GNGT1: variants seen among roughly 807,000 people sequenced by gnomAD.
GNGT1 encodes the protein G protein subunit gamma transducin 1, also known as guanine nucleotide-binding protein G(T) subunit gamma-T1.
In GNGT1, 4 loss-of-function variants were observed where a neutral mutation model predicts 7.4. That is an observed-to-expected ratio of 0.54 (90% CI 0.27 to 1.24). GNGT1 has a LOEUF of 1.24. Among genes scored for constraint, GNGT1 ranks in the 50% most tolerant of loss-of-function variants. The pLI is 0.12. For synonymous variants in GNGT1, 37 were observed against 30.2 expected (o/e 1.23, Z -0.74); for missense variants, 95 against 82.4 (o/e 1.15, Z -0.59).
chr7:93,908,888 T>A (rs1172365135), intron 2 of GNGT1, among the ~76,000 whole-genome samples: 1 of 152,144 alleles, frequency 6.6e-6, no homozygotes, highest in Non-Finnish European at 1.5e-5. Context: ...TCATCTATGT[T>A]ATCTAACTCA....
Position 93,909,449 on chromosome 7 carries a change from T to C in GNGT1, c.97-1341T>C, listed in dbSNP as rs942303307. On this transcript the variant is annotated intron_variant, in intron 2 of 2. Coordinates refer to ENST00000248572, the MANE Select transcript of GNGT1 (RefSeq NM_021955.5). ...ACCTATACACATATATAATTTTAGG[T>C]AATTTGTTGCTCCTTTCATTCTCAT... is the stretch of plus-strand genomic sequence containing the variant. The C allele has an allele frequency of 4.3e-6, 3 of 701,476 alleles. No individual in the cohort carries two copies. The African/African-American group carries it at 5.2e-5, about 12-fold the overall frequency. 43.5% of individuals were successfully genotyped at this position (701,476 alleles called of 1,614,324 possible). A position where few individuals can be genotyped will look rare whatever the true frequency, so the allele number is the denominator to read the frequency against.
intron 2 of GNGT1, among the ~76,000 whole-genome samples, chr7:93,907,583 A>G (rs113064031): frequency 0.012 from 1,754 of 152,310 alleles, 18 homozygotes; most frequent in Non-Finnish European, 0.019. Flanking sequence ...AAACCACCAA[A>G]CAAACAGTGA....
intron 2 of GNGT1, chr7:93,909,625 A>G (rs1794429118): frequency 1.7e-6 from 1 of 572,472 alleles, no homozygotes; most frequent in Admixed American, 2.8e-5. Flanking sequence ...AGGAAGAGGG[A>G]AAAAAGTGAA....
rs1156536658 is a variant in GNGT1 at position 93,906,826 on chromosome 7, C to T, written c.80C>T (p.Thr27Ile). The change falls in exon 2 of 3, where the codon ACA becomes ATA. Residue 27 changes from threonine (T) to isoleucine (I), a missense_variant. Physicochemically the swap from Thr to Ile is moderately conservative, Grantham distance 89. Transcript: ENST00000248572. ...MEVDQLKKEV[T>I]LERMLVSKCC... is the part of the protein sequence containing the mutation. The stretch of plus-strand genomic sequence containing the variant: ...GTTGACCAGCTCAAGAAAGAAGTGA[C>T]ACTGGAAAGAATGCTAGTAAGTTGC... The T allele has an allele frequency of 6.3e-7, 1 of 1,590,156 alleles. No homozygotes were observed. The highest frequency in any genetic ancestry group is 1.7e-5 in the Admixed American group (1 of 57,378).
At chr7:93,909,577 A>AAAGTAGTG (rs1794428334) in intron 2 of GNGT1, 5 of 686,152 alleles carry the variant, frequency 7.3e-6, no homozygotes, top group Non-Finnish European at 1.3e-5. Flanking sequence ...GGTGAAGCCA[A>AAAGTAGTG]AAGTAGTGAC....
At chr7:93,907,545 T>C (rs192344074) in intron 2 of GNGT1, among the ~76,000 whole-genome samples, 21 of 152,052 alleles carry the variant, frequency 1.4e-4, no homozygotes, top group Non-Finnish European at 1.9e-4. Flanking sequence ...TTCACTGCCA[T>C]TAGAAGGAGA....
At position 93,906,846 on chromosome 7, in the gene GNGT1, A is replaced by G; in HGVS notation, c.96+4A>G. On this transcript the variant is annotated splice_donor_region_variant and intron_variant, in intron 2 of 2. Coordinates refer to ENST00000248572, the MANE Select transcript of GNGT1 (RefSeq NM_021955.5). ...AGTGACACTGGAAAGAATGCTAGTA[A>G]GTTGCTGCTTTCTTTAGTATTTTAT... 2.0e-6 allele frequency: 3 copies of G among 1,529,644 alleles called. No homozygotes were observed. The highest frequency in any genetic ancestry group is 2.7e-6 in the Non-Finnish European group (3 of 1,115,274). The allele number at this position is 1,529,644 out of a possible 1,614,324, so 94.8% of individuals were successfully genotyped here.
intron 2 of GNGT1, chr7:93,910,180 AT>A (rs1355203782): frequency 6.6e-6 from 1 of 152,170 alleles, no homozygotes; most frequent in African/African-American, 2.4e-5. Context: ...CAAAAACAAC[AT>A]GAATAATTCA....
At position 93,906,858 on chromosome 7, in the gene GNGT1, C is replaced by A; in HGVS notation, c.96+16C>A. ...AAGAATGCTAGTAAGTTGCTGCTTT[C>A]TTTAGTATTTTATTTTAAGCTAGAG... On this transcript the variant is annotated intron_variant, in intron 2 of 2. Transcript: ENST00000248572. 2 of 1,464,284 alleles carry A rather than the reference C, an allele frequency of 1.4e-6. No individual in the cohort carries two copies. The highest frequency in any genetic ancestry group is 1.9e-6 in the Non-Finnish European group (2 of 1,059,964). The allele number at this position is 1,464,284 out of a possible 1,614,324, so 90.7% of individuals were successfully genotyped here. A position where few individuals can be genotyped will look rare whatever the true frequency, so the allele number is the denominator to read the frequency against.
intron 2 of GNGT1, 33 bp downstream of exon 2, chr7:93,906,875 A>T: frequency 7.9e-7 from 1 of 1,267,486 alleles, no homozygotes; most frequent in Non-Finnish European, 1.1e-6. Flanking sequence ...ATTTTATTTT[A>T]AGCTAGAGAT....
chr7:93,906,750 C>T lies in GNGT1; in HGVS notation c.4C>T (p.Pro2Ser), dbSNP rs746027091. 1.3e-6 allele frequency: 2 copies of T among 1,586,594 alleles called. No individual in the cohort carries two copies. Among genetic ancestry groups the T allele is most frequent in the East Asian group, 2.3e-5 (1 of 43,912 alleles). Residue 2 changes from proline to serine, a missense_variant, in exon 2 of 3, where the codon CCA (proline) becomes TCA (serine). Pro to Ser is a moderately conservative substitution (Grantham distance 74). Coordinates refer to ENST00000248572, the MANE Select transcript of GNGT1 (RefSeq NM_021955.5). ...TACATCTTCAGCAGGCAAAAAGATG[C>T]CAGTAATCAATATTGAGGACCTGAC... M[P>S]VINIEDLTEK... is the part of the protein sequence containing the mutation.
chr7:93,907,739 CT>C (rs1794398705), intron 2 of GNGT1, among the ~76,000 whole-genome samples: 1 of 152,118 alleles, frequency 6.6e-6, no homozygotes, highest in Non-Finnish European at 1.5e-5. Flanking sequence ...AAAAAAGGAT[CT>C]TGTGTTATCT....
rs138254553 is a variant in GNGT1, at chr7:93,910,860, G to C, written c.167G>C (p.Gly56Ala). Residue 56 changes from glycine to alanine, a missense_variant, in exon 3 of 3, where the codon GGC becomes GCC. Gly to Ala is a moderately conservative substitution (Grantham distance 60). Coordinates refer to ENST00000248572, the MANE Select transcript of GNGT1 (RefSeq NM_021955.5). ...ERSGEDPLVKGIPEDKNPFKE... is the reference protein window; with the variant it reads ...ERSGEDPLVKAIPEDKNPFKE... The stretch of plus-strand genomic sequence containing the variant: ...TCTGGCGAGGATCCACTGGTAAAGG[G>C]CATCCCAGAGGACAAAAATCCCTTC... The C allele has an allele frequency of 3.1e-6, 5 of 1,608,028 alleles. No homozygotes were observed. In the Admixed American group the frequency reaches 8.3e-5, roughly 27 times the overall value.
chr7:93,906,863 G>T lies in GNGT1; in HGVS notation c.96+21G>T, dbSNP rs762282560. 3 of 1,430,672 alleles carry T rather than the reference G, an allele frequency of 2.1e-6. No individual in the cohort carries two copies. The African/African-American group carries it at 4.3e-5, about 21-fold the overall frequency. The allele number at this position is 1,430,672 out of a possible 1,614,324, so 88.6% of individuals were successfully genotyped here. The stretch of plus-strand genomic sequence containing the variant: ...TGCTAGTAAGTTGCTGCTTTCTTTA[G>T]TATTTTATTTTAAGCTAGAGATACT... On this transcript the variant is annotated intron_variant, in intron 2 of 2. Coordinates refer to ENST00000248572, the MANE Select transcript of GNGT1 (RefSeq NM_021955.5).
rs141065761 is a variant in GNGT1, at chr7:93,906,807, C to G, written c.61C>G (p.Gln21Glu). The change falls in exon 2 of 3, where the codon CAG becomes GAG. Residue 21 changes from glutamine to glutamate, a missense_variant. Transcript: ENST00000248572. ...GGACAAATTGAAGATGGAAGTTGAC[C>G]AGCTCAAGAAAGAAGTGACACTGGA... is the stretch of plus-strand genomic sequence containing the variant. ...EKDKLKMEVD[Q>E]LKKEVTLERM... 3.9e-5 allele frequency: 63 copies of G among 1,603,408 alleles called. No individual in the cohort carries two copies. Among genetic ancestry groups the G allele is most frequent in the Non-Finnish European group, 5.1e-5 (60 of 1,174,414 alleles).
chr7:93,910,778 CT>C lies in GNGT1; in HGVS notation c.97-10del. 1 of 1,569,922 alleles carries C rather than the reference CT, an allele frequency of 6.4e-7. No homozygotes were observed. Among genetic ancestry groups the C allele is most frequent in the South Asian group, 1.2e-5 (1 of 84,086 alleles). ...AAACCAAATGAGTCATCCCTTTTTCCTTCCCCTTAAGGTTTCCAAATGTTGT... is the reference window on the plus strand; with the variant it reads ...AAACCAAATGAGTCATCCCTTTTTCCTCCCCTTAAGGTTTCCAAATGTTGT... On this transcript the variant is annotated splice_polypyrimidine_tract_variant and intron_variant, in intron 2 of 2. Coordinates refer to ENST00000248572, the MANE Select transcript of GNGT1 (RefSeq NM_021955.5).
At chr7:93,908,511 A>G (rs1794411833) in intron 2 of GNGT1, among the ~76,000 whole-genome samples, 1 of 152,066 alleles carries the variant, frequency 6.6e-6, no homozygotes, top group African/African-American at 2.4e-5. Context: ...CTCTTTTATA[A>G]GGACGGTAAT....
intron 2 of GNGT1, among the ~76,000 whole-genome samples, chr7:93,908,438 A>G (rs1794410741): frequency 6.6e-6 from 1 of 151,508 alleles, no homozygotes; most frequent in Non-Finnish European, 1.5e-5. Context: ...TCCCTCCTTC[A>G]TGAACACCTG....
At position 93,906,594 on chromosome 7, in the gene GNGT1, G is replaced by A. The variant is rs1336002815; in HGVS notation, c.-62G>A. ...AATTGTTAAGAGAGAGAGCTCATAT[G>A]AAATTGGTTATCGTGGGATATTTAA... On this transcript the variant is annotated 5_prime_UTR_variant, in exon 1 of 3. An upstream start codon of the reference 5' UTR is lost. Coordinates refer to ENST00000248572, the MANE Select transcript of GNGT1 (RefSeq NM_021955.5). 1 of 607,698 alleles carries A rather than the reference G, an allele frequency of 1.6e-6. No individual in the cohort carries two copies. Among genetic ancestry groups the A allele is most frequent in the East Asian group, 3.2e-5 (1 of 31,224 alleles). 37.6% of individuals were successfully genotyped at this position (607,698 alleles called of 1,614,324 possible).
Sources: gnomAD v4.1 joint callset for allele counts (sites outside exome capture counted in the v4.1 genomes callset) on GRCh38, gnomAD v4.1.1 for gene constraint, MANE v1.5 for transcripts, NCBI Gene and HGNC (gene_info 2026-07-23, HGNC 2026-07-21) for gene names.